GPC1: variants seen among roughly 807,000 people sequenced by gnomAD.
GPC1 encodes the protein glypican-1.
In GPC1, 26 loss-of-function variants were observed where a neutral mutation model predicts 51.5. That is an observed-to-expected ratio of 0.50 (90% confidence interval 0.37 to 0.70). GPC1 has a LOEUF of 0.70. Ranked by LOEUF, GPC1 falls within the 30% of genes least tolerant of loss-of-function variation. GPC1 has a pLI of 0.00. For synonymous variants in GPC1, 380 were observed against 348.3 expected (o/e 1.09, Z -1.01); for missense variants, 775 against 800.5 (o/e 0.97, Z 0.38).
chr2:240,461,703 GGGAGGGGCAGCAGCCCTGGAGACTCGCA>G (rs1270814545), intron 2 of GPC1, among the ~76,000 whole-genome samples: 1 of 152,142 alleles, frequency 6.6e-6, no homozygotes, highest in African/African-American at 2.4e-5. Context: ...ACAGGGTGGC[GGGAGGGGCAGCAGCCCTGGAGACTCGCA>G]GGGCAGGCGG....
chr2:240,436,128 T>TTGGGCTCCGGACCC, intron 1 of GPC1, 44 bp downstream of exon 1: 1 of 1,211,410 alleles, frequency 8.3e-7, no homozygotes, highest in African/African-American at 1.6e-5. Flanking sequence ...TGGCCGGGCT[T>TTGGGCTCCGGACCC]TGGGCTCCGG....
intron 1 of GPC1, among the ~76,000 whole-genome samples, chr2:240,453,500 C>T (rs2074124859): frequency 1.4e-5 from 2 of 142,948 alleles, no homozygotes; most frequent in South Asian, 4.6e-4. Context: ...CCTCTTCCGC[C>T]AGGCCCATCC....
chr2:240,442,777 A>G (rs2074026734), intron 1 of GPC1, among the ~76,000 whole-genome samples: 1 of 152,208 alleles, frequency 6.6e-6, no homozygotes, highest in Admixed American at 6.5e-5. Context: ...ATCAGGTGGC[A>G]AAGACCCCGA....
chr2:240,454,252 A>G (rs1389628710), intron 1 of GPC1, among the ~76,000 whole-genome samples: 2 of 152,066 alleles, frequency 1.3e-5, no homozygotes, highest in Non-Finnish European at 2.9e-5. Flanking sequence ...CCAGGGGCGC[A>G]GGCTTCTTAG....
rs965559451 is a variant in GPC1 at position 240,467,298 on chromosome 2, G to C, written c.*1008G>C. ...CCCGCACTGCAGACGGGAATGCCTA[G>C]GTCCCTTCCCGACCCAGCCAGCTGC... On this transcript the variant is annotated 3_prime_UTR_variant, in exon 9 of 9. Transcript: ENST00000264039. The C allele has an allele frequency of 6.6e-6, 1 of 152,348 alleles. No individual in the cohort carries two copies. Among genetic ancestry groups the C allele is most frequent in the African/African-American group, 2.4e-5 (1 of 41,472 alleles). The allele number at this position is 152,348 out of a possible 1,614,324, so 9.4% of individuals were successfully genotyped here.
chr2:240,464,533 A>G, intron 4 of GPC1, 83 bp from the exon 5 acceptor site: 2 of 1,363,780 alleles, frequency 1.5e-6, no homozygotes, highest in East Asian at 2.3e-5. Flanking sequence ...TAACATGCAC[A>G]CGTGGTGACG....
At chr2:240,447,772 A>G (rs571670385) in intron 1 of GPC1, among the ~76,000 whole-genome samples, 1 of 152,178 alleles carries the variant, frequency 6.6e-6, no homozygotes, top group Non-Finnish European at 1.5e-5. Flanking sequence ...GTGTCATGTC[A>G]GGGAGGCCTA....
At chr2:240,455,504 A>AGGTTGGAAAATGCCTCCCTCTG (rs1386349933) in intron 1 of GPC1, among the ~76,000 whole-genome samples, 3 of 152,132 alleles carry the variant, frequency 2.0e-5, no homozygotes, top group Non-Finnish European at 4.4e-5. Flanking sequence ...CTCACCCCCT[A>AGGTTGGAAAATGCCTCCCTCTG]GGTTGGAAAA....
rs1399578571 is a variant in GPC1 at position 240,465,514 on chromosome 2, T to A, written c.1310T>A (p.Ile437Asn). Residue 437 changes from isoleucine (I) to asparagine (N), a missense_variant, in exon 8 of 9, where the codon ATC (isoleucine) becomes AAC (asparagine). Coordinates refer to ENST00000264039, the MANE Select transcript of GPC1 (RefSeq NM_002081.3). ...ATGGGTGACGGCCTGGCCAACCAGA[T>A]CAACAACCCCGAGGTGGAGGTGGAC... is the stretch of plus-strand genomic sequence containing the variant. ...EVMGDGLANQ[I>N]NNPEVEVDIT... The A allele has an allele frequency of 6.2e-7, 1 of 1,612,964 alleles. No individual in the cohort carries two copies. Among genetic ancestry groups the A allele is most frequent in the East Asian group, 2.2e-5 (1 of 44,886 alleles).
At chr2:240,437,621 C>T (rs568531394) in intron 1 of GPC1, among the ~76,000 whole-genome samples, 21 of 152,276 alleles carry the variant, frequency 1.4e-4, no homozygotes, top group Middle Eastern at 3.4e-3. Context: ...ACAAGGCCCT[C>T]GGCACAGTTG....
chr2:240,444,435 G>C (rs572441350), intron 1 of GPC1, among the ~76,000 whole-genome samples: 2 of 152,276 alleles, frequency 1.3e-5, no homozygotes, highest in South Asian at 2.1e-4. Context: ...GTCCTCACCC[G>C]CTGGTCCATC....
chr2:240,461,969 A>AC (rs1559202050), intron 2 of GPC1, among the ~76,000 whole-genome samples: 1 of 151,134 alleles, frequency 6.6e-6, no homozygotes, highest in Non-Finnish European at 1.5e-5. Context: ...ACCCGAGAGG[A>AC]CCCCCTGCCA....
chr2:240,464,796 T>C (rs41266965), intron 5 of GPC1, 50 bp downstream of exon 5: 325,872 of 1,572,478 alleles, frequency 0.21, 35,607 homozygotes, highest in Non-Finnish European at 0.23. Context: ...GTCCTGGATG[T>C]GGCCCCATTG....
intron 2 of GPC1, among the ~76,000 whole-genome samples, chr2:240,459,568 C>A (rs1302723335): frequency 2.0e-5 from 3 of 152,222 alleles, no homozygotes; most frequent in African/African-American, 7.2e-5. Context: ...AGGCCACTGC[C>A]CCTGGGGACC....
intron 1 of GPC1, among the ~76,000 whole-genome samples, chr2:240,452,625 C>G (rs964377310): frequency 6.6e-6 from 1 of 152,032 alleles, no homozygotes; most frequent in Non-Finnish European, 1.5e-5. Flanking sequence ...CACCCGCAGG[C>G]GGGAGGGAGG....
At position 240,466,569 on chromosome 2, in the gene GPC1, T is replaced by TC; in HGVS notation, c.*285dup. The TC allele has an allele frequency of 2.3e-6, 1 of 440,402 alleles. No individual in the cohort carries two copies. Among genetic ancestry groups the TC allele is most frequent in the Non-Finnish European group, 4.1e-6 (1 of 246,562 alleles). The allele number at this position is 440,402 out of a possible 1,614,324, so 27.3% of individuals were successfully genotyped here. A position where few individuals can be genotyped will look rare whatever the true frequency, so the allele number is the denominator to read the frequency against. ...AGGGGCACCTCCGGCTGCCTAGCCC[T>TC]CCCCCCAGCTCCCTGCACCGCCGCA... On this transcript the variant is annotated 3_prime_UTR_variant, in exon 9 of 9. Coordinates refer to ENST00000264039, the MANE Select transcript of GPC1 (RefSeq NM_002081.3).
In GPC1 at chr2:240,467,008, G is replaced by C. The variant is rs555093443; in HGVS notation, c.*718G>C. ...CCCACCTGCGCTTCTGCTGGAGGAG[G>C]GGAAGCTGGGCCCAAAGGCCCAGGG... is the stretch of plus-strand genomic sequence containing the variant. On this transcript the variant is annotated 3_prime_UTR_variant, in exon 9 of 9. Coordinates refer to ENST00000264039, the MANE Select transcript of GPC1 (RefSeq NM_002081.3). The C allele has an allele frequency of 2.6e-5, 4 of 152,428 alleles. No homozygotes were observed. The South Asian group carries it at 6.2e-4, about 24-fold the overall frequency. The allele number at this position is 152,428 out of a possible 1,614,324, so 9.4% of individuals were successfully genotyped here. A position where few individuals can be genotyped will look rare whatever the true frequency, so the allele number is the denominator to read the frequency against.
At chr2:240,447,462 C>T (rs11691816) in intron 1 of GPC1, among the ~76,000 whole-genome samples, 19,820 of 152,192 alleles carry the variant, frequency 0.13, 1,427 homozygotes, top group Middle Eastern at 0.3. Flanking sequence ...GGGGAGGGCA[C>T]GTAGGTGTGC....
chr2:240,436,663 G>T (rs992258036), intron 1 of GPC1, among the ~76,000 whole-genome samples: 4 of 152,268 alleles, frequency 2.6e-5, no homozygotes, highest in African/African-American at 7.2e-5. Flanking sequence ...ACCCCCTCGG[G>T]GGGTAGTGCG....
Sources: gnomAD v4.1 joint callset for allele counts (sites outside exome capture counted in the v4.1 genomes callset) on GRCh38, gnomAD v4.1.1 for gene constraint, MANE v1.5 for transcripts, NCBI Gene and HGNC (gene_info 2026-07-23, HGNC 2026-07-21) for gene names.